Variants in AGAP1 observed in about 807,000 individuals in gnomAD.
AGAP1 encodes arf-GAP with GTPase, ANK repeat and PH domain-containing protein 1.
A neutral mutation model predicts 105.3 loss-of-function variants in AGAP1; 29 were observed. The observed-to-expected ratio is 0.28, with a 90% CI of 0.21 to 0.38. AGAP1 has a LOEUF of 0.38. Among genes scored for constraint, AGAP1 ranks in the 10% least tolerant of loss-of-function variants. The pLI is 1.00. For synonymous variants in AGAP1, 509 were observed against 485.9 expected (o/e 1.05, Z -0.63); for missense variants, 998 against 1,165.1 (o/e 0.86, Z 2.09).
chr2:235,987,502 A>G (rs1166858021), intron 13 of AGAP1, among the ~76,000 whole-genome samples: 4 of 112,218 alleles, frequency 3.6e-5, no homozygotes, highest in Middle Eastern at 5.4e-3. Context: ...TACTGGATTC[A>G]TTGATTTTTT....
chr2:235,571,828 G>T (rs1944525217), intron 1 of AGAP1, among the ~76,000 whole-genome samples: 1 of 151,538 alleles, frequency 6.6e-6, no homozygotes, highest in Admixed American at 6.6e-5. Flanking sequence ...AAACTCCTAG[G>T]CTCAAATGGT....
intron 9 of AGAP1, among the ~76,000 whole-genome samples, chr2:235,858,591 TAAA>T (rs896024450): frequency 2.0e-5 from 3 of 151,322 alleles, no homozygotes; most frequent in African/African-American, 7.3e-5. Context: ...TGAGAGATGA[TAAA>T]AAAAAATATG....
intron 9 of AGAP1, among the ~76,000 whole-genome samples, chr2:235,876,003 T>A (rs2049706229): frequency 6.6e-6 from 1 of 152,324 alleles, no homozygotes; most frequent in South Asian, 2.1e-4. Flanking sequence ...AAAAAGTAGT[T>A]GTTCTATGTC....
chr2:236,040,983 G>C lies in AGAP1; in HGVS notation c.1891+142G>C, dbSNP rs369866230. The C allele has an allele frequency of 1.8e-5, 15 of 829,478 alleles. No individual in the cohort carries two copies. Among genetic ancestry groups the C allele is most frequent in the Admixed American group, 1.5e-4 (6 of 39,208 alleles). 51.4% of individuals were successfully genotyped at this position (829,478 alleles called of 1,614,324 possible). ...TGCTTTTAGGAAATTGAGATATTTT[G>C]TTTGGATTTTACCTTAACAGAGTGC... On this transcript the variant is annotated intron_variant, in intron 15 of 17. Transcript: ENST00000304032. The surrounding 1 kb of genome is among the most constrained non-coding windows in gnomAD (Gnocchi z 5.6).
chr2:235,713,773 T>C (rs909626212), intron 2 of AGAP1, among the ~76,000 whole-genome samples: 3 of 152,162 alleles, frequency 2.0e-5, no homozygotes, highest in Non-Finnish European at 4.4e-5. Flanking sequence ...AACAGAAATA[T>C]ATAGCTCACA....
intron 1 of AGAP1, among the ~76,000 whole-genome samples, chr2:235,503,373 A>G (rs1351134873): frequency 6.6e-6 from 1 of 152,144 alleles, no homozygotes; most frequent in African/African-American, 2.4e-5. Flanking sequence ...GGGATCGCGT[A>G]TCTGCTCCTG....
At chr2:235,560,585 C>A (rs1026988512) in intron 1 of AGAP1, among the ~76,000 whole-genome samples, 22 of 152,210 alleles carry the variant, frequency 1.4e-4, no homozygotes, top group Middle Eastern at 3.4e-3. Context: ...GAGTCGGGGA[C>A]TGTGGAAGGA....
intron 13 of AGAP1, among the ~76,000 whole-genome samples, chr2:236,024,542 C>G (rs972854596): frequency 7.2e-5 from 11 of 152,186 alleles, no homozygotes; most frequent in Non-Finnish European, 4.4e-5. Context: ...TTGAAAGCAA[C>G]TTCCAAATGT....
At chr2:235,827,391 G>A (rs1355974919) in intron 9 of AGAP1, among the ~76,000 whole-genome samples, 1 of 152,074 alleles carries the variant, frequency 6.6e-6, no homozygotes, top group African/African-American at 2.4e-5. Context: ...GGAGGTAAGG[G>A]GGCTGCCGGC....
chr2:235,737,385 T>G lies in AGAP1; in HGVS notation c.311-3578T>G, dbSNP rs749750729. 2.0e-4 allele frequency among the ~76,000 whole-genome samples: 30 copies of G among 152,204 alleles called. No homozygotes were observed. The highest frequency in any genetic ancestry group is 3.2e-4 in the Non-Finnish European group (22 of 68,034). On this transcript the variant is annotated intron_variant, in intron 3 of 17. Coordinates refer to ENST00000304032, the MANE Select transcript of AGAP1 (RefSeq NM_001037131.3). This position sits in a 1 kb window ranked among gnomAD's most constrained non-coding sequence, Gnocchi z 4.5. The stretch of plus-strand genomic sequence containing the variant: ...ATCTGCCGGGGGAATGTAAACTGAC[T>G]TTAGGATTCGAAGAGACCTTGCTGA...
In AGAP1 at chr2:235,934,397, C is replaced by T. The variant is rs1350254418; in HGVS notation, c.1483+3474C>T. Among the ~76,000 whole-genome samples the T allele has an allele frequency of 1.3e-5, 2 of 152,162 alleles. No individual in the cohort carries two copies. Among genetic ancestry groups the T allele is most frequent in the African/African-American group, 4.8e-5 (2 of 41,440 alleles). ...TGGACGCATCCTTGTCTGTCTGCGC[C>T]GAGGGTACCATCCCGGCGTCCCTCT... On this transcript the variant is annotated intron_variant, in intron 12 of 17. Coordinates refer to ENST00000304032, the MANE Select transcript of AGAP1 (RefSeq NM_001037131.3). The surrounding 1 kb of genome is among the most constrained non-coding windows in gnomAD (Gnocchi z 4.9).
At chr2:235,881,880 G>C (rs1323015764) in intron 9 of AGAP1, among the ~76,000 whole-genome samples, 1 of 152,168 alleles carries the variant, frequency 6.6e-6, no homozygotes, top group Non-Finnish European at 1.5e-5. Context: ...AAATGAATTA[G>C]AGTAAATTAC....
chr2:235,863,669 G>T (rs554580637), intron 9 of AGAP1, among the ~76,000 whole-genome samples: 50 of 152,226 alleles, frequency 3.3e-4, no homozygotes, highest in Non-Finnish European at 5.7e-4. Flanking sequence ...GGTGGGGAGA[G>T]CACATGGCTA....
In AGAP1 at chr2:236,082,751, A is replaced by G. The variant is rs1292174946; in HGVS notation, c.2114+33470A>G. On this transcript the variant is annotated intron_variant, in intron 16 of 17. Coordinates refer to ENST00000304032, the MANE Select transcript of AGAP1 (RefSeq NM_001037131.3). This position sits in a 1 kb window ranked among gnomAD's most constrained non-coding sequence, Gnocchi z 4.2. ...TAGCCTGGCGCGGTGGCAGGCACCT[A>G]TGATCCCAGCTACTTGGGAGGCTGA... is the stretch of plus-strand genomic sequence containing the variant. Among the ~76,000 whole-genome samples the G allele has an allele frequency of 6.6e-6, 1 of 152,066 alleles. No homozygotes were observed. The highest frequency in any genetic ancestry group is 1.5e-5 in the Non-Finnish European group (1 of 68,016).
rs573565441 is a variant in AGAP1, at chr2:236,072,719, CA to C, written c.2114+23441del. Among the ~76,000 whole-genome samples the C allele has an allele frequency of 1.9e-3, 296 of 152,308 alleles. 1 individual carries two copies. Among genetic ancestry groups the C allele is most frequent in the African/African-American group, 6.8e-3 (284 of 41,552 alleles). On this transcript the variant is annotated intron_variant, in intron 16 of 17. Transcript: ENST00000304032. Reference sequence around the variant, plus strand: ...AAGTGATCCTGCCGCCTTGGCCTCCCAAAGTGCTAGGATTACAGGAGTGAGG... The same window carrying C: ...AAGTGATCCTGCCGCCTTGGCCTCCCAAGTGCTAGGATTACAGGAGTGAGG...
chr2:235,741,788 C>T lies in AGAP1; in HGVS notation c.396+740C>T, dbSNP rs1363909179. Among the ~76,000 whole-genome samples, 1 of 150,154 alleles carries T rather than the reference C, an allele frequency of 6.7e-6. No individual in the cohort carries two copies. Among genetic ancestry groups the T allele is most frequent in the Non-Finnish European group, 1.5e-5 (1 of 67,780 alleles). On this transcript the variant is annotated intron_variant, in intron 4 of 17. Transcript: ENST00000304032. This position sits in a 1 kb window ranked among gnomAD's most constrained non-coding sequence, Gnocchi z 4.9. ...TTTTTTTTTTTGAGACAGTCTCGCT[C>T]TGTTACCCAGGCTGGAGTGCAGTGA...
rs1952516951 is a variant in AGAP1 at position 235,740,474 on chromosome 2, A to G, written c.311-489A>G. ...TGTGGCCTGTGACTCTGGAAACACC[A>G]TTCTCATGATGTTCTATGTCTCCCT... On this transcript the variant is annotated intron_variant, in intron 3 of 17. Coordinates refer to ENST00000304032, the MANE Select transcript of AGAP1 (RefSeq NM_001037131.3). The surrounding 1 kb of genome is among the most constrained non-coding windows in gnomAD (Gnocchi z 5.7). Among the ~76,000 whole-genome samples the G allele has an allele frequency of 6.6e-6, 1 of 152,192 alleles. No individual in the cohort carries two copies. The highest frequency in any genetic ancestry group is 6.5e-5 in the Admixed American group (1 of 15,278).
At position 236,034,897 on chromosome 2, in the gene AGAP1, C is replaced by T. The variant is rs1327725453; in HGVS notation, c.1646-1664C>T. On this transcript the variant is annotated intron_variant, in intron 13 of 17. Coordinates refer to ENST00000304032, the MANE Select transcript of AGAP1 (RefSeq NM_001037131.3). Reference sequence around the variant, plus strand: ...TCTCTGGCTGGGTGCTGTCCCCACACCCCTGGGAGTGGGGCTTGGGAGCAT... The same window carrying T: ...TCTCTGGCTGGGTGCTGTCCCCACATCCCTGGGAGTGGGGCTTGGGAGCAT... Among the ~76,000 whole-genome samples, 7 of 152,208 alleles carry T rather than the reference C, an allele frequency of 4.6e-5. No individual in the cohort carries two copies. The East Asian group carries it at 5.8e-4, about 13-fold the overall frequency.
intron 1 of AGAP1, among the ~76,000 whole-genome samples, chr2:235,673,464 T>C (rs1420594172): frequency 6.6e-6 from 1 of 152,144 alleles, no homozygotes; most frequent in Non-Finnish European, 1.5e-5. Flanking sequence ...ATGGTGTGTG[T>C]TATATAGAAC....
Sources: gnomAD v4.1 joint callset for allele counts (sites outside exome capture counted in the v4.1 genomes callset) on GRCh38, gnomAD v4.1.1 for gene constraint, Gnocchi (gnomAD v3.1) non-coding constraint, MANE v1.5 for transcripts, NCBI Gene and HGNC (gene_info 2026-07-23, HGNC 2026-07-21) for gene names.